The following PACSIN2 variants were observed in gnomAD, a reference collection of about 807,000 sequenced individuals.
PACSIN2 encodes the protein protein kinase C and casein kinase substrate in neurons protein 2.
In PACSIN2, 25 loss-of-function variants were observed where a neutral mutation model predicts 63.8. The ratio of observed to expected loss-of-function variants is 0.39; its 90% confidence interval spans 0.29 to 0.55. PACSIN2 has a LOEUF of 0.55. PACSIN2 is among the 20% of genes least tolerant of loss of function. The probability of loss-of-function intolerance (pLI) is 0.62; values close to 1 mark genes in which losing one functional copy is unlikely to be tolerated. For missense variants in PACSIN2, 518 were observed against 646.9 expected, an observed-to-expected ratio of 0.80 and a Z score of 2.16; for synonymous variants, 255 against 256.2, an observed-to-expected ratio of 1.00 and a Z score of 0.05.
chr22:42,888,029 C>G (rs551242047), intron 5 of PACSIN2, among the ~76,000 whole-genome samples: 3 of 151,836 alleles, frequency 2.0e-5, no homozygotes, highest in East Asian at 3.9e-4. Flanking sequence ...GCGCTCCCAG[C>G]CTGCAGTCCC....
intron 1 of PACSIN2, among the ~76,000 whole-genome samples, chr22:42,943,461 C>T (rs75910415): frequency 0.02 from 2,998 of 152,282 alleles, 39 homozygotes; most frequent in Admixed American, 0.029. Context: ...CATCAAGGTC[C>T]TATTCTTCTG....
intron 2 of PACSIN2, 138 bp downstream of exon 2, chr22:42,911,883 C>T (rs1931481717): frequency 1.5e-6 from 1 of 655,416 alleles, no homozygotes; most frequent in Admixed American, 3.1e-5. Context: ...CTGCTGCTAT[C>T]TAGGTCTGAC....
chr22:43,007,722 A>C (rs894994177), intron 1 of PACSIN2, among the ~76,000 whole-genome samples: 1 of 152,188 alleles, frequency 6.6e-6, no homozygotes, highest in African/African-American at 2.4e-5. Flanking sequence ...CGCCACAATG[A>C]AAAGAGAAGT....
intron 8 of PACSIN2, among the ~76,000 whole-genome samples, chr22:42,878,105 G>A (rs967302953): frequency 1.3e-5 from 2 of 152,200 alleles, no homozygotes; most frequent in Non-Finnish European, 2.9e-5. Context: ...AGACTGTTGT[G>A]AGACGGCACT....
chr22:42,951,519 C>T (rs925229274), intron 1 of PACSIN2, among the ~76,000 whole-genome samples: 3 of 152,174 alleles, frequency 2.0e-5, no homozygotes, highest in African/African-American at 4.8e-5. Context: ...GGGAGGCTCA[C>T]GGGCCTCTCC....
chr22:42,890,516 G>A (rs757988609), intron 4 of PACSIN2, among the ~76,000 whole-genome samples: 3 of 151,744 alleles, frequency 2.0e-5, no homozygotes, highest in Non-Finnish European at 2.9e-5. Flanking sequence ...TCAAGAGTTC[G>A]AGACCAGCCT....
chr22:43,012,176 TAC>T (rs1924540172), intron 1 of PACSIN2, among the ~76,000 whole-genome samples: 1 of 141,510 alleles, frequency 7.1e-6, no homozygotes, highest in Admixed American at 7.2e-5. Flanking sequence ...CATACATACA[TAC>T]ATACATACAT....
At chr22:42,932,164 A>G (rs984775108) in intron 1 of PACSIN2, among the ~76,000 whole-genome samples, 17 of 152,118 alleles carry the variant, frequency 1.1e-4, no homozygotes, top group Admixed American at 3.9e-4. Flanking sequence ...CTGTCCCAGC[A>G]CAGGATCTTC....
chr22:42,946,046 C>T lies in PACSIN2; in HGVS notation c.-77-33889G>A, dbSNP rs1569308191. Reference sequence around the variant, plus strand: ...TGTGTCTACCAACACAAGCACCACACTCCTATCAGCTCCACCCCTTCACAC... The same window carrying T: ...TGTGTCTACCAACACAAGCACCACATTCCTATCAGCTCCACCCCTTCACAC... On this transcript the variant is annotated intron_variant, in intron 1 of 10. Coordinates refer to ENST00000263246, the MANE Select transcript of PACSIN2 (RefSeq NM_001184970.3). 3.3e-5 allele frequency among the ~76,000 whole-genome samples: 5 copies of T among 152,222 alleles called. No homozygotes were observed. In the South Asian group the frequency reaches 1.0e-3, roughly 31 times the overall value.
intron 1 of PACSIN2, among the ~76,000 whole-genome samples, chr22:42,918,353 C>A (rs1931948316): frequency 6.6e-6 from 1 of 152,226 alleles, no homozygotes; most frequent in Non-Finnish European, 1.5e-5. Flanking sequence ...AGCAAGACTG[C>A]TCCACCTGGG....
At chr22:42,985,100 G>T (rs1922512518) in intron 1 of PACSIN2, among the ~76,000 whole-genome samples, 1 of 152,220 alleles carries the variant, frequency 6.6e-6, no homozygotes, top group South Asian at 2.1e-4. Context: ...AGGCCAAGGT[G>T]AGAGGATCAC....
intron 7 of PACSIN2, among the ~76,000 whole-genome samples, chr22:42,880,972 G>A (rs1374232732): frequency 6.6e-6 from 1 of 152,236 alleles, no homozygotes; most frequent in African/African-American, 2.4e-5. Context: ...GGCTCCAGAG[G>A]AGAGGCTGGG....
At chr22:42,929,771 C>A (rs1444139823) in intron 1 of PACSIN2, among the ~76,000 whole-genome samples, 1 of 152,200 alleles carries the variant, frequency 6.6e-6, no homozygotes, top group Non-Finnish European at 1.5e-5. Flanking sequence ...GGTCTTCGTA[C>A]CTCCCTTCAC....
chr22:42,986,585 C>T (rs972754114), intron 1 of PACSIN2, among the ~76,000 whole-genome samples: 4 of 152,100 alleles, frequency 2.6e-5, no homozygotes, highest in African/African-American at 9.7e-5. Context: ...ATGACAGTGA[C>T]ACTCTAATGG....
In PACSIN2 at chr22:43,011,974, G is replaced by A. The variant is rs560648179; in HGVS notation, c.-78+3047C>T. Among the ~76,000 whole-genome samples the A allele has an allele frequency of 8.6e-5, 13 of 151,962 alleles. No homozygotes were observed. The East Asian group carries it at 1.4e-3, about 16-fold the overall frequency. On this transcript the variant is annotated intron_variant, in intron 1 of 10. Coordinates refer to ENST00000263246, the MANE Select transcript of PACSIN2 (RefSeq NM_001184970.3). ...ATACTGGCCAACACGGTGAAATCCC[G>A]TCTCTACTATAAATACAAAAATTAG...
At chr22:42,999,732 G>C (rs1923645941) in intron 1 of PACSIN2, among the ~76,000 whole-genome samples, 1 of 152,182 alleles carries the variant, frequency 6.6e-6, no homozygotes, top group South Asian at 2.1e-4. Context: ...GCAGTCCCCT[G>C]GCAGTCACTC....
intron 8 of PACSIN2, among the ~76,000 whole-genome samples, chr22:42,877,505 G>A (rs1440918804): frequency 6.6e-6 from 1 of 152,190 alleles, no homozygotes; most frequent in Non-Finnish European, 1.5e-5. Context: ...GGGGTTCAGG[G>A]CTCGCTCTTC....
At chr22:42,924,548 C>T (rs1223227275) in intron 1 of PACSIN2, among the ~76,000 whole-genome samples, 2 of 152,092 alleles carry the variant, frequency 1.3e-5, no homozygotes, top group East Asian at 1.9e-4. Context: ...CCTCCCAGCC[C>T]GCATCTGCTC....
At chr22:42,970,885 C>G in intron 1 of PACSIN2, among the ~76,000 whole-genome samples, 1 of 152,106 alleles carries the variant, frequency 6.6e-6, no homozygotes. Flanking sequence ...TGCAGCGCCT[C>G]CCCACGCCAC....
Sources: allele counts gnomAD v4.1 joint callset (sites outside exome capture counted in the v4.1 genomes callset), GRCh38; gene constraint gnomAD v4.1.1; transcripts MANE v1.5; gene names NCBI Gene and HGNC (gene_info 2026-07-23, HGNC 2026-07-21).